FOXP2: variants seen among roughly 807,000 people sequenced by gnomAD.
FOXP2 encodes forkhead box P2.
FOXP2 carries 12 observed loss-of-function variants against 115.8 expected under a neutral mutation model. The observed-to-expected ratio is 0.10, with a 90% CI of 0.07 to 0.17. The LOEUF is 0.17. Ranked by LOEUF, FOXP2 falls within the 10% of genes least tolerant of loss-of-function variation. The pLI, the probability that FOXP2 is intolerant of heterozygous loss-of-function variation, is 1.00. For missense variants in FOXP2, 629 were observed against 843.5 expected, an observed-to-expected ratio of 0.75 and a Z score of 3.15; for synonymous variants, 328 against 297.7, an observed-to-expected ratio of 1.10 and a Z score of -1.05.
chr7:114,683,600 G>A (rs1190872956), intron 16 of FOXP2, among the ~76,000 whole-genome samples: 1 of 152,214 alleles, frequency 6.6e-6, no homozygotes, highest in Non-Finnish European at 1.5e-5. Context: ...TCAATGAAAT[G>A]TGGACAGGTC....
intron 16 of FOXP2, among the ~76,000 whole-genome samples, chr7:114,687,726 A>G (rs1427090640): frequency 6.6e-6 from 1 of 152,184 alleles, no homozygotes; most frequent in Non-Finnish European, 1.5e-5. Context: ...AATATATGTG[A>G]CAGTACTTTT....
intron 1 of FOXP2, among the ~76,000 whole-genome samples, chr7:114,155,065 GT>G (rs1166893279): frequency 1.3e-5 from 2 of 152,098 alleles, no homozygotes; most frequent in African/African-American, 4.8e-5. Flanking sequence ...TGCTAATACA[GT>G]TATTAATAGA....
chr7:114,556,853 T>C (rs1800483934), intron 3 of FOXP2, among the ~76,000 whole-genome samples: 1 of 152,190 alleles, frequency 6.6e-6, no homozygotes, highest in African/African-American at 2.4e-5. Context: ...TATAAGAATA[T>C]CAGATACAGT....
intron 2 of FOXP2, among the ~76,000 whole-genome samples, chr7:114,510,133 T>C (rs1303892093): frequency 6.6e-6 from 1 of 152,162 alleles, no homozygotes; most frequent in Non-Finnish European, 1.5e-5. Context: ...AGAAGTGAGA[T>C]TCATGTTGCT....
At chr7:114,252,936 A>G (rs1259713697) in intron 1 of FOXP2, among the ~76,000 whole-genome samples, 1 of 152,162 alleles carries the variant, frequency 6.6e-6, no homozygotes, top group Admixed American at 6.5e-5. Context: ...ATTTAGTGCT[A>G]TAAATTTCCC....
At chr7:114,420,652 T>C (rs1401879164) in intron 1 of FOXP2, among the ~76,000 whole-genome samples, 1 of 151,970 alleles carries the variant, frequency 6.6e-6, no homozygotes, top group East Asian at 1.9e-4. Context: ...GCAAAAAATA[T>C]TACATTTTGG....
chr7:114,100,825 A>G (rs536525857), intron 1 of FOXP2, among the ~76,000 whole-genome samples: 1 of 152,322 alleles, frequency 6.6e-6, no homozygotes, highest in Non-Finnish European at 1.5e-5. Context: ...TTAAGCAGGC[A>G]CTTTTCTAAG....
chr7:114,244,600 AG>A (rs1795231647), intron 1 of FOXP2, among the ~76,000 whole-genome samples: 1 of 152,210 alleles, frequency 6.6e-6, no homozygotes, highest in Non-Finnish European at 1.5e-5. Context: ...CTTTTCATAC[AG>A]ATTATTTAAC....
intron 2 of FOXP2, among the ~76,000 whole-genome samples, chr7:114,329,664 ATTTATTTATTTATTT>A (rs989667397): frequency 1.0e-4 from 4 of 39,730 alleles, no homozygotes; most frequent in Non-Finnish European, 1.7e-4. Flanking sequence ...TTATTTATTT[ATTTATTTATTTATTT>A]ATTTATTTAT....
chr7:114,384,487 A>C (rs1792391166), intron 2 of FOXP2, among the ~76,000 whole-genome samples: 1 of 152,072 alleles, frequency 6.6e-6, no homozygotes, highest in Non-Finnish European at 1.5e-5. Flanking sequence ...CTTCCACAAG[A>C]GTCTCCGTAT....
intron 1 of FOXP2, among the ~76,000 whole-genome samples, chr7:114,140,860 G>C (rs1000369315): frequency 6.6e-6 from 1 of 152,188 alleles, no homozygotes; most frequent in Non-Finnish European, 1.5e-5. Flanking sequence ...TGACTTGTCA[G>C]CCTCAGCATT....
chr7:114,109,357 T>A (rs1409816906), intron 1 of FOXP2, among the ~76,000 whole-genome samples: 4 of 152,090 alleles, frequency 2.6e-5, no homozygotes, highest in Non-Finnish European at 4.4e-5. Flanking sequence ...TCATGCATTC[T>A]GTCTCATCTT....
intron 2 of FOXP2, among the ~76,000 whole-genome samples, chr7:114,473,686 A>G (rs1431704995): frequency 6.6e-6 from 1 of 151,998 alleles, no homozygotes; most frequent in East Asian, 1.9e-4. Flanking sequence ...AACCACAAGA[A>G]CCATACCATG....
chr7:114,342,608 C>A (rs1422553516), intron 2 of FOXP2, among the ~76,000 whole-genome samples: 3 of 151,334 alleles, frequency 2.0e-5, no homozygotes, highest in African/African-American at 7.3e-5. Flanking sequence ...GTTTCAGATT[C>A]GAAAGAGCTT....
chr7:114,246,805 G>A (rs2129168627), intron 1 of FOXP2, among the ~76,000 whole-genome samples: 1 of 152,130 alleles, frequency 6.6e-6, no homozygotes, highest in South Asian at 2.1e-4. Flanking sequence ...TTTATAATTA[G>A]CCCCTTTTGT....
At chr7:114,689,163 T>G (rs1238149178) in intron 16 of FOXP2, among the ~76,000 whole-genome samples, 4 of 152,138 alleles carry the variant, frequency 2.6e-5, no homozygotes, top group Non-Finnish European at 5.9e-5. Context: ...CATGACAAAA[T>G]TTTAATTACA....
rs112424025 is a variant in FOXP2, at chr7:114,144,092, A to G, written c.-246-18852A>G. Among the ~76,000 whole-genome samples, 1,461 of 152,250 alleles carry G rather than the reference A, an allele frequency of 9.6e-3. 32 individuals are homozygous for G. The highest frequency in any genetic ancestry group is 0.033 in the African/African-American group (1,389 of 41,544). On this transcript the variant is annotated intron_variant, in intron 1 of 19. Transcript: ENST00000635638. ...GACTCAGGGTTAGATGATTTTGCCC[A>G]TCTGCAGGCTAATGTTAAGTGTCTG...
chr7:114,642,597 T>G lies in FOXP2; in HGVS notation c.963T>G (p.Ser321=). ...ATCATTCCATAGTGAATGGACAGTC[T>G]TCAGTTCTAAGTGCAAGACGAGACA... ...ITHHSIVNGQ[S]SVLSARRDSS... The change falls in exon 7 of 17, where the codon TCT becomes TCG. Residue 321 remains serine (S), a synonymous_variant. Coordinates refer to ENST00000350908, the MANE Select transcript of FOXP2 (RefSeq NM_014491.4). 1 of 1,613,750 alleles carries G rather than the reference T, an allele frequency of 6.2e-7. No individual in the cohort carries two copies. The highest frequency in any genetic ancestry group is 2.2e-5 in the East Asian group (1 of 44,832).
chr7:114,421,435 G>A (rs968773933), intron 1 of FOXP2, among the ~76,000 whole-genome samples: 6 of 151,154 alleles, frequency 4.0e-5, no homozygotes, highest in Admixed American at 4.0e-4. Context: ...AAAATATTTT[G>A]TTAAAATGTC....
Sources: gnomAD v4.1 joint callset for allele counts (sites outside exome capture counted in the v4.1 genomes callset) on GRCh38, gnomAD v4.1.1 for gene constraint, MANE v1.5 for transcripts, NCBI Gene and HGNC (gene_info 2026-07-23, HGNC 2026-07-21) for gene names.